Variants in YLPM1 observed in about 807,000 individuals in gnomAD.
YLPM1 encodes the protein YLP motif-containing protein 1.
In YLPM1, 99 loss-of-function variants were observed where a neutral mutation model predicts 230.0. That is an observed-to-expected ratio of 0.43 (90% CI 0.37 to 0.51). The LOEUF (loss-of-function observed/expected upper bound fraction) is 0.51, where lower values mean the gene tolerates loss of function less well. YLPM1 is among the 20% of genes least tolerant of loss of function. The pLI is 0.00. For missense variants in YLPM1, 2,592 were observed against 2,707.7 expected (o/e 0.96, Z 0.95); for synonymous variants, 984 against 942.5 (o/e 1.04, Z -0.81).
At chr14:74,783,059 C>T (rs1431220296) in intron 4 of YLPM1, among the ~76,000 whole-genome samples, 3 of 152,024 alleles carry the variant, frequency 2.0e-5, no homozygotes, top group African/African-American at 7.3e-5. Context: ...GATAACTTTT[C>T]TATGGAAATT....
rs1052024143 is a variant in YLPM1, at chr14:74,835,117, T to G, written c.6295-148T>G. On this transcript the variant is annotated intron_variant, in intron 19 of 20. Transcript: ENST00000325680. ...CTCTTTGTGACTTAAAATATATGGCTTTTCCCAGTTTTCCTGGGTTAGTTT... is the reference window on the plus strand; with the variant it reads ...CTCTTTGTGACTTAAAATATATGGCGTTTCCCAGTTTTCCTGGGTTAGTTT... The G allele has an allele frequency of 2.0e-5, 20 of 992,848 alleles. No homozygotes were observed. The African/African-American group carries it at 3.3e-4, about 16-fold the overall frequency. 61.5% of individuals were successfully genotyped at this position (992,848 alleles called of 1,614,324 possible).
intron 1 of YLPM1, among the ~76,000 whole-genome samples, chr14:74,775,025 A>G (rs914219922): frequency 6.6e-6 from 1 of 152,262 alleles, no homozygotes; most frequent in Non-Finnish European, 1.5e-5. Flanking sequence ...TCGAAAAATC[A>G]TAAGTTGAAC....
In YLPM1 at chr14:74,769,216, A is replaced by T. The variant is rs183238535; in HGVS notation, c.873+4854A>T. 1.5e-3 allele frequency among the ~76,000 whole-genome samples: 212 copies of T among 145,082 alleles called. 3 individuals are homozygous for T. Among genetic ancestry groups the T allele is most frequent in the Admixed American group, 9.5e-3 (134 of 14,152 alleles). ...CAGCCTCCCTAGTAACTGGGATTAC[A>T]GGTGCCTGCCACCACGCCCGGCTAA... On this transcript the variant is annotated intron_variant, in intron 1 of 20. Coordinates refer to ENST00000325680, the MANE Select transcript of YLPM1 (RefSeq NM_019589.3).
intron 11 of YLPM1, among the ~76,000 whole-genome samples, chr14:74,815,799 C>G (rs1432571897): frequency 6.6e-6 from 1 of 151,996 alleles, no homozygotes; most frequent in Non-Finnish European, 1.5e-5. Context: ...CTATCAATTT[C>G]CTTTTAAGCA....
At position 74,824,133 on chromosome 14, in the gene YLPM1, T is replaced by C. The variant is rs1594845124; in HGVS notation, c.6112-123T>C. ...TGAGATTGTGTTTCCCCTAAGGATG[T>C]ATTTACAGCTAGTCAGTGGAAACTG... is the stretch of plus-strand genomic sequence containing the variant. On this transcript the variant is annotated intron_variant, in intron 17 of 20. Coordinates refer to ENST00000325680, the MANE Select transcript of YLPM1 (RefSeq NM_019589.3). 4 of 853,196 alleles carry C rather than the reference T, an allele frequency of 4.7e-6. No homozygotes were observed. In the East Asian group the frequency reaches 1.1e-4, roughly 24 times the overall value. The allele number at this position is 853,196 out of a possible 1,614,324, so 52.9% of individuals were successfully genotyped here.
chr14:74,766,277 G>A (rs2090910275), intron 1 of YLPM1, among the ~76,000 whole-genome samples: 1 of 152,142 alleles, frequency 6.6e-6, no homozygotes, highest in Non-Finnish European at 1.5e-5. Flanking sequence ...GCCAGTACCA[G>A]TCTCTGGCAA....
At chr14:74,802,727 T>C in intron 6 of YLPM1, 51 bp downstream of exon 6, 1 of 1,496,786 alleles carries the variant, frequency 6.7e-7, no homozygotes. Context: ...CTTTGTATGT[T>C]TCTATGTTGT....
At chr14:74,818,538 A>C (rs909262382) in intron 16 of YLPM1, among the ~76,000 whole-genome samples, 1 of 152,150 alleles carries the variant, frequency 6.6e-6, no homozygotes, top group African/African-American at 2.4e-5. Flanking sequence ...GTTTTTGTGG[A>C]ACCATTTGAG....
intron 4 of YLPM1, among the ~76,000 whole-genome samples, chr14:74,792,455 C>T (rs1286313291): frequency 6.6e-6 from 1 of 152,178 alleles, no homozygotes; most frequent in African/African-American, 2.4e-5. Flanking sequence ...CTGATGAGAG[C>T]TAATCCTCTC....
Position 74,798,591 on chromosome 14 carries a change from A to C in YLPM1, c.3294A>C (p.Gln1098His), listed in dbSNP as rs1451025069. The change falls in exon 5 of 21, where the codon CAA (glutamine) becomes CAC (histidine). Residue 1098 changes from glutamine (Q) to histidine (H), a missense_variant. Physicochemically the swap from Gln to His is conservative, Grantham distance 24 (BLOSUM62 0). Transcript: ENST00000325680. Reference sequence around the variant, plus strand: ...GGGAGAAAGTGCCAGGTGGTCTTCAAGGGAGCCAGGACAGGGGTGCAGCTG... The same window carrying C: ...GGGAGAAAGTGCCAGGTGGTCTTCACGGGAGCCAGGACAGGGGTGCAGCTG... The part of the protein sequence containing the change: ...SSREKVPGGL[Q>H]GSQDRGAAGS... 1 of 1,613,516 alleles carries C rather than the reference A, an allele frequency of 6.2e-7. No homozygotes were observed. Among genetic ancestry groups the C allele is most frequent in the East Asian group, 2.2e-5 (1 of 44,870 alleles).
chr14:74,834,183 TAA>T (rs5809680), intron 19 of YLPM1, among the ~76,000 whole-genome samples: 52 of 130,322 alleles, frequency 4.0e-4, no homozygotes, highest in Admixed American at 6.2e-4. Context: ...ACTCTGACTC[TAA>T]AAAAAAAAAA....
At chr14:74,812,982 T>TTAA (rs2091448616) in intron 11 of YLPM1, among the ~76,000 whole-genome samples, 200 bp downstream of exon 11, 1 of 152,180 alleles carries the variant, frequency 6.6e-6, no homozygotes, top group Non-Finnish European at 1.5e-5. Context: ...CTAAAGTACT[T>TTAA]GGCAAAAAAG....
rs1382687654 is a variant in YLPM1 at position 74,781,526 on chromosome 14, T to C, written c.1483T>C (p.Tyr495His). The C allele has an allele frequency of 3.1e-6, 5 of 1,613,890 alleles. No individual in the cohort carries two copies. In the African/African-American group the frequency reaches 4.0e-5, roughly 13 times the overall value. Reference protein sequence around the residue: ...WQGHMKATQSYLQEKVNSFQN... With the variant: ...WQGHMKATQSHLQEKVNSFQN... Reference sequence around the variant, plus strand: ...GGGACATATGAAAGCCACTCAGAGCTATCTCCAGGAGAAAGTCAATTCATT... The same window carrying C: ...GGGACATATGAAAGCCACTCAGAGCCATCTCCAGGAGAAAGTCAATTCATT... The change falls in exon 4 of 21, where the codon TAT becomes CAT. Residue 495 changes from tyrosine to histidine, a missense_variant. By Grantham distance (83) the Tyr-to-His change is moderately conservative. Coordinates refer to ENST00000325680, the MANE Select transcript of YLPM1 (RefSeq NM_019589.3).
At chr14:74,812,983 G>GAATTTA (rs2091448684) in intron 11 of YLPM1, among the ~76,000 whole-genome samples, 1 of 152,020 alleles carries the variant, frequency 6.6e-6, no homozygotes, top group Non-Finnish European at 1.5e-5. Context: ...TAAAGTACTT[G>GAATTTA]GCAAAAAAGA....
At chr14:74,802,840 G>T (rs1363557488) in intron 6 of YLPM1, among the ~76,000 whole-genome samples, 164 bp downstream of exon 6, 1 of 152,120 alleles carries the variant, frequency 6.6e-6, no homozygotes, top group Non-Finnish European at 1.5e-5. Flanking sequence ...CACCTTAAAA[G>T]CATGTTCAAA....
At chr14:74,769,620 T>G (rs1650493297) in intron 1 of YLPM1, among the ~76,000 whole-genome samples, 1 of 151,482 alleles carries the variant, frequency 6.6e-6, no homozygotes, top group African/African-American at 2.4e-5. Flanking sequence ...AGAAGAGGTT[T>G]CACCATCTTG....
At position 74,828,064 on chromosome 14, in the gene YLPM1, C is replaced by CA. The variant is rs1448919277; in HGVS notation, c.6164-1145dup. 3.3e-6 allele frequency: 3 copies of CA among 914,972 alleles called. No homozygotes were observed. The African/African-American group carries it at 5.4e-5, about 16-fold the overall frequency. 56.7% of individuals were successfully genotyped at this position (914,972 alleles called of 1,614,324 possible). On this transcript the variant is annotated intron_variant, in intron 18 of 20. Transcript: ENST00000325680. ...GGAACAAAAAACTTTGCCAAGAATGCAAAATCTTACTGGTTTTTAAAGCTT... is the reference window on the plus strand; with the variant it reads ...GGAACAAAAAACTTTGCCAAGAATGCAAAAATCTTACTGGTTTTTAAAGCTT...
chr14:74,773,719 T>C (rs948235551), intron 1 of YLPM1, among the ~76,000 whole-genome samples: 25 of 134,604 alleles, frequency 1.9e-4, no homozygotes, highest in African/African-American at 7.0e-4. Flanking sequence ...TTCTTTTTTT[T>C]TTTTTTTTTT....
chr14:74,815,853 T>G (rs774718537), intron 11 of YLPM1, among the ~76,000 whole-genome samples: 9 of 152,126 alleles, frequency 5.9e-5, no homozygotes, highest in Non-Finnish European at 1.2e-4. Flanking sequence ...TTGTGTTTTT[T>G]TCATTCATCT....
Sources: allele counts gnomAD v4.1 joint callset (sites outside exome capture counted in the v4.1 genomes callset), GRCh38; gene constraint gnomAD v4.1.1; transcripts MANE v1.5; gene names NCBI Gene and HGNC (gene_info 2026-07-23, HGNC 2026-07-21).